The following SKAP2 variants were observed in gnomAD, a reference collection of about 807,000 sequenced individuals.
SKAP2 encodes the protein src kinase associated phosphoprotein 2, also known as src kinase-associated phosphoprotein 2.
A neutral mutation model predicts 54.9 loss-of-function variants in SKAP2; 28 were observed. The observed-to-expected ratio is 0.51, with a 90% CI of 0.38 to 0.70. SKAP2 has a LOEUF of 0.70. SKAP2 is among the 30% of genes least tolerant of loss of function. The pLI is 0.00. For synonymous variants in SKAP2, 137 were observed against 134.3 expected, an observed-to-expected ratio of 1.02 and a Z score of -0.14; for missense variants, 356 against 424.1, an observed-to-expected ratio of 0.84 and a Z score of 1.41.
intron 4 of SKAP2, among the ~76,000 whole-genome samples, chr7:26,777,722 T>C (rs113624973): frequency 0.011 from 1,706 of 152,214 alleles, 16 homozygotes; most frequent in Admixed American, 0.022. Flanking sequence ...GGTAACAATA[T>C]ATCACAAAAG....
intron 4 of SKAP2, among the ~76,000 whole-genome samples, chr7:26,840,422 T>C (rs986362417): frequency 1.3e-5 from 2 of 152,036 alleles, no homozygotes; most frequent in Non-Finnish European, 2.9e-5. Flanking sequence ...CTTTCACAAA[T>C]GACAAAAATG....
intron 9 of SKAP2, among the ~76,000 whole-genome samples, chr7:26,693,583 T>C (rs952094663): frequency 6.6e-6 from 1 of 152,148 alleles, no homozygotes; most frequent in Non-Finnish European, 1.5e-5. Flanking sequence ...TCTTAAATTA[T>C]CAGAATAATG....
chr7:26,758,327 C>A (rs1050733235), intron 4 of SKAP2, among the ~76,000 whole-genome samples: 1 of 151,794 alleles, frequency 6.6e-6, no homozygotes, highest in African/African-American at 2.4e-5. Flanking sequence ...TAATTTAAGT[C>A]GATTTATATT....
chr7:26,667,540 G>A lies in SKAP2; in HGVS notation c.*2126C>T, dbSNP rs1786126887. 6.6e-6 allele frequency: 1 copy of A among 152,462 alleles called. No individual in the cohort carries two copies. Among genetic ancestry groups the A allele is most frequent in the Non-Finnish European group, 1.5e-5 (1 of 67,992 alleles). 9.4% of individuals were successfully genotyped at this position (152,462 alleles called of 1,614,324 possible). A position where few individuals can be genotyped will look rare whatever the true frequency, so the allele number is the denominator to read the frequency against. ...ATATTCAAGTTTTAAAAGAACAAAG[G>A]CCGGTGGAGATCTGAACAGAAATAA... On this transcript the variant is annotated 3_prime_UTR_variant, in exon 13 of 13. Coordinates refer to ENST00000345317, the MANE Select transcript of SKAP2 (RefSeq NM_003930.5).
At chr7:26,711,878 T>C (rs1787314695) in intron 9 of SKAP2, among the ~76,000 whole-genome samples, 1 of 152,104 alleles carries the variant, frequency 6.6e-6, no homozygotes, top group African/African-American at 2.4e-5. Context: ...GGAGCTTTTG[T>C]AATGATCCAG....
At chr7:26,693,835 T>TTTGTTA in intron 9 of SKAP2, among the ~76,000 whole-genome samples, 1 of 152,272 alleles carries the variant, frequency 6.6e-6, no homozygotes, top group African/African-American at 2.4e-5. Flanking sequence ...ACAAATAGCT[T>TTTGTTA]CCATATAAAA....
intron 9 of SKAP2, among the ~76,000 whole-genome samples, chr7:26,706,307 T>C (rs552677860): frequency 6.6e-6 from 1 of 152,282 alleles, no homozygotes; most frequent in East Asian, 1.9e-4. Flanking sequence ...AAGTAAAACT[T>C]CAAACTTTTG....
chr7:26,841,038 A>T (rs747219229), intron 4 of SKAP2, among the ~76,000 whole-genome samples: 4 of 152,098 alleles, frequency 2.6e-5, no homozygotes, highest in Non-Finnish European at 5.9e-5. Context: ...GTAATCAATA[A>T]GGTACTTTTT....
At chr7:26,852,078 G>C (rs1190624777) in intron 3 of SKAP2, among the ~76,000 whole-genome samples, 1 of 152,124 alleles carries the variant, frequency 6.6e-6, no homozygotes, top group Non-Finnish European at 1.5e-5. Context: ...TGACTAGAGA[G>C]AGAGACAAGA....
intron 9 of SKAP2, among the ~76,000 whole-genome samples, chr7:26,710,730 A>G (rs1426732195): frequency 6.6e-6 from 1 of 152,218 alleles, no homozygotes; most frequent in Non-Finnish European, 1.5e-5. Context: ...TGAGCCATTC[A>G]ACACTTTGGA....
intron 4 of SKAP2, among the ~76,000 whole-genome samples, chr7:26,776,086 C>T (rs190890140): frequency 6.6e-6 from 1 of 152,228 alleles, no homozygotes; most frequent in East Asian, 1.9e-4. Context: ...AAGTAGCTGA[C>T]ACTACTGACT....
chr7:26,833,113 T>C (rs1437123292), intron 4 of SKAP2, among the ~76,000 whole-genome samples: 1 of 151,934 alleles, frequency 6.6e-6, no homozygotes, highest in Admixed American at 6.5e-5. Context: ...CAAAAAAGTA[T>C]GCAGAGGGTC....
intron 6 of SKAP2, among the ~76,000 whole-genome samples, chr7:26,730,070 A>G (rs1787789940): frequency 6.6e-6 from 1 of 152,186 alleles, no homozygotes; most frequent in Admixed American, 6.5e-5. Flanking sequence ...AACCATAACC[A>G]TGAAGTAGCC....
intron 5 of SKAP2, among the ~76,000 whole-genome samples, 170 bp from the exon 6 acceptor site, chr7:26,739,048 T>C (rs1204871512): frequency 1.3e-5 from 2 of 152,156 alleles, no homozygotes; most frequent in South Asian, 2.1e-4. Context: ...CTAAAGGGAA[T>C]AAAGTAAAGT....
intron 9 of SKAP2, among the ~76,000 whole-genome samples, chr7:26,712,116 T>C (rs1181278359): frequency 3.3e-5 from 5 of 152,208 alleles, no homozygotes; most frequent in Non-Finnish European, 4.4e-5. Context: ...ATATTCCTCA[T>C]CTGAAATGCT....
rs1195197599 is a variant in SKAP2, at chr7:26,800,029, C to T, written c.307+44001G>A. On this transcript the variant is annotated intron_variant, in intron 4 of 12. Transcript: ENST00000345317. ...GTCCCAGCTACTTAGGAGGCTGAGG[C>T]AGGAGAATGGCATGAACCCAGGAGG... 2.0e-5 allele frequency among the ~76,000 whole-genome samples: 3 copies of T among 151,856 alleles called. No homozygotes were observed. The East Asian group carries it at 5.8e-4, about 29-fold the overall frequency.
At chr7:26,746,061 C>T (rs544268241) in intron 4 of SKAP2, among the ~76,000 whole-genome samples, 1 of 152,220 alleles carries the variant, frequency 6.6e-6, no homozygotes. Flanking sequence ...CCGATATAAT[C>T]CCAATGCACT....
At chr7:26,688,256 C>A (rs936095147) in intron 10 of SKAP2, among the ~76,000 whole-genome samples, 1 of 151,538 alleles carries the variant, frequency 6.6e-6, no homozygotes, top group African/African-American at 2.4e-5. Context: ...CTATAATGTT[C>A]AAAAAAAATC....
intron 3 of SKAP2, among the ~76,000 whole-genome samples, chr7:26,845,009 C>A (rs1784895031): frequency 6.6e-6 from 1 of 152,144 alleles, no homozygotes; most frequent in Non-Finnish European, 1.5e-5. Flanking sequence ...CCCAGTTACA[C>A]ATAAGCATTC....
Sources: allele counts gnomAD v4.1 joint callset (sites outside exome capture counted in the v4.1 genomes callset), GRCh38; gene constraint gnomAD v4.1.1; transcripts MANE v1.5; gene names NCBI Gene and HGNC (gene_info 2026-07-23, HGNC 2026-07-21).